The following ROCK1 variants were observed in gnomAD, a reference collection of about 807,000 sequenced individuals.
ROCK1 encodes rho-associated protein kinase 1.
ROCK1 carries 36 observed loss-of-function variants against 196.8 expected under a neutral mutation model. That is an observed-to-expected ratio of 0.18 (90% confidence interval 0.14 to 0.24). ROCK1 has a LOEUF of 0.24. ROCK1 is among the 10% of genes least tolerant of loss of function. The pLI is 1.00. For missense variants in ROCK1, 920 were observed against 1,562.0 expected, an observed-to-expected ratio of 0.59 and a Z score of 6.93; for synonymous variants, 443 against 515.9, an observed-to-expected ratio of 0.86 and a Z score of 1.91.
At chr18:21,043,460 T>G (rs1286072152) in intron 6 of ROCK1, among the ~76,000 whole-genome samples, 6 of 151,138 alleles carry the variant, frequency 4.0e-5, no homozygotes, top group Non-Finnish European at 8.9e-5. Flanking sequence ...GTATATGAAG[T>G]GAAGGAATAA....
At chr18:20,980,237 G>GT (rs1286974354) in intron 21 of ROCK1, among the ~76,000 whole-genome samples, 2 of 149,120 alleles carry the variant, frequency 1.3e-5, no homozygotes, top group Non-Finnish European at 3.0e-5. Context: ...CAATACATGG[G>GT]TTAAAAAAAA....
At chr18:21,099,032 T>C (rs1355180382) in intron 1 of ROCK1, among the ~76,000 whole-genome samples, 2 of 152,182 alleles carry the variant, frequency 1.3e-5, no homozygotes, top group African/African-American at 4.8e-5. Context: ...ATTTTAACAG[T>C]GAGCAAAATT....
At position 21,028,817 on chromosome 18, in the gene ROCK1, A is replaced by G. The variant is rs202232063; in HGVS notation, c.1170T>C (p.Asn390=). 3 of 1,612,754 alleles carry G rather than the reference A, an allele frequency of 1.9e-6. No individual in the cohort carries two copies. The East Asian group carries it at 6.7e-5, about 36-fold the overall frequency. The change falls in exon 10 of 33, where the codon AAT becomes AAC. Residue 390 remains asparagine, a synonymous_variant. Transcript: ENST00000399799. ...ATGTAAATCCTACAAAAGGTAGTTG[A>G]TTGCCAACGAAAGCTTTAGGAATAG... ...TFPIPKAFVG[N]QLPFVGFTYY... is the part of the protein sequence containing the mutation.
chr18:21,034,919 TCAA>T (rs1177873228), intron 9 of ROCK1, among the ~76,000 whole-genome samples: 1 of 151,958 alleles, frequency 6.6e-6, no homozygotes, highest in East Asian at 1.9e-4. Context: ...CTCCTATAAC[TCAA>T]CAACAACAAA....
intron 20 of ROCK1, among the ~76,000 whole-genome samples, chr18:20,983,277 GTACTGCA>G (rs915729717): frequency 2.1e-5 from 3 of 146,284 alleles, no homozygotes; most frequent in African/African-American, 7.6e-5. Context: ...TAATAATTCA[GTACTGCA>G]TACTAGATAT....
intron 1 of ROCK1, among the ~76,000 whole-genome samples, chr18:21,104,242 A>G (rs1468213878): frequency 6.6e-6 from 1 of 152,256 alleles, no homozygotes; most frequent in Non-Finnish European, 1.5e-5. Flanking sequence ...AGTCTAATCT[A>G]AAACTGAGAA....
intron 32 of ROCK1, chr18:20,953,163 G>A (rs1388602077): frequency 5.9e-6 from 1 of 169,806 alleles, no homozygotes. Flanking sequence ...AAATAATTTT[G>A]TATGTTGGGA....
rs1402492159 is a variant in ROCK1, at chr18:21,028,892, A to T, written c.1095T>A (p.Thr365=). Residue 365 remains threonine, a synonymous_variant, in exon 10 of 33, where the codon ACT becomes ACA. Transcript: ENST00000399799. The part of the protein sequence containing the change: ...VVPDLSSDID[T]SNFDDLEEDK... ...CTTCTTCCAAGTCATCAAAATTACTAGTATCAATGTCACTACTTAAATCGG... is the reference window on the plus strand; with the variant it reads ...CTTCTTCCAAGTCATCAAAATTACTTGTATCAATGTCACTACTTAAATCGG... 1 of 1,612,102 alleles carries T rather than the reference A, an allele frequency of 6.2e-7. No individual in the cohort carries two copies. Among genetic ancestry groups the T allele is most frequent in the African/African-American group, 1.3e-5 (1 of 74,870 alleles).
intron 17 of ROCK1, 113 bp from the exon 18 acceptor site, chr18:20,991,439 A>G: frequency 2.9e-6 from 2 of 683,640 alleles, no homozygotes; most frequent in South Asian, 2.2e-5. Context: ...AAAAATCACA[A>G]TAAACACATA....
At chr18:21,033,069 T>C (rs957447365) in intron 9 of ROCK1, among the ~76,000 whole-genome samples, 3 of 152,006 alleles carry the variant, frequency 2.0e-5, no homozygotes, top group Non-Finnish European at 4.4e-5. Flanking sequence ...TGGTGACACA[T>C]GACCGTGGTC....
intron 29 of ROCK1, among the ~76,000 whole-genome samples, chr18:20,955,745 A>G (rs2035235731): frequency 6.7e-6 from 1 of 149,100 alleles, no homozygotes; most frequent in Non-Finnish European, 1.5e-5. Context: ...TGATACATCT[A>G]TACTATGGAA....
intron 16 of ROCK1, among the ~76,000 whole-genome samples, chr18:21,000,497 A>C (rs2035714475): frequency 6.6e-6 from 1 of 152,148 alleles, no homozygotes; most frequent in African/African-American, 2.4e-5. Context: ...TCCTGAGCTT[A>C]AGCGATCTGC....
At chr18:21,000,086 T>C (rs1270683988) in intron 16 of ROCK1, among the ~76,000 whole-genome samples, 1 of 152,168 alleles carries the variant, frequency 6.6e-6, no homozygotes, top group Admixed American at 6.5e-5. Flanking sequence ...TAAAACATAC[T>C]GAAGAACAAC....
At chr18:21,046,455 G>A (rs2036160024) in intron 4 of ROCK1, among the ~76,000 whole-genome samples, 1 of 152,162 alleles carries the variant, frequency 6.6e-6, no homozygotes, top group African/African-American at 2.4e-5. Flanking sequence ...AGGGTTGAGG[G>A]TTGTTAAAAA....
intron 16 of ROCK1, among the ~76,000 whole-genome samples, chr18:21,003,825 A>C (rs571872057): frequency 1.3e-5 from 2 of 152,302 alleles, no homozygotes; most frequent in South Asian, 4.1e-4. Context: ...GGGATACTCA[A>C]CTGGTAAGTA....
chr18:20,952,667 TG>T (rs2035201330), intron 32 of ROCK1, among the ~76,000 whole-genome samples: 1 of 150,158 alleles, frequency 6.7e-6, no homozygotes, highest in Non-Finnish European at 1.5e-5. Context: ...CCCCGCTACT[TG>T]GGAGGCTGAG....
intron 16 of ROCK1, among the ~76,000 whole-genome samples, chr18:20,994,064 T>A (rs2035649849): frequency 6.6e-6 from 1 of 152,208 alleles, no homozygotes; most frequent in Admixed American, 6.5e-5. Flanking sequence ...CAAATAAATA[T>A]TAAATCTTTG....
intron 17 of ROCK1, 111 bp from the exon 18 acceptor site, chr18:20,991,437 C>A (rs1470096128): frequency 1.9e-5 from 13 of 696,882 alleles, no homozygotes; most frequent in Non-Finnish European, 3.0e-5. Flanking sequence ...TTAAAAATCA[C>A]AATAAACACA....
At position 21,039,551 on chromosome 18, in the gene ROCK1, T is replaced by C. The variant is rs2143499531; in HGVS notation, c.972A>G (p.Leu324=). The change falls in exon 9 of 33, where the codon TTA becomes TTG. Residue 324 remains leucine (L), a synonymous_variant. Coordinates refer to ENST00000399799, the MANE Select transcript of ROCK1 (RefSeq NM_005406.3). ...CAFLTDREVR[L]GRNGVEEIKR... ...TGATTTCTTCTACACCATTTCGCCC[T>C]AACCTCACTTCCCTGAATAATGACA... The C allele has an allele frequency of 6.2e-7, 1 of 1,612,484 alleles. No individual in the cohort carries two copies. The highest frequency in any genetic ancestry group is 8.5e-7 in the Non-Finnish European group (1 of 1,178,590).
Sources: allele counts gnomAD v4.1 joint callset (sites outside exome capture counted in the v4.1 genomes callset), GRCh38; gene constraint gnomAD v4.1.1; transcripts MANE v1.5; gene names NCBI Gene and HGNC (gene_info 2026-07-23, HGNC 2026-07-21).